Variants in TMEFF1 observed in about 807,000 individuals in gnomAD.
TMEFF1 encodes the protein tomoregulin-1.
Under a neutral mutation model 47.5 loss-of-function variants are expected in TMEFF1, and 20 were observed. The observed-to-expected ratio is 0.42, with a 90% CI of 0.30 to 0.61. The LOEUF (loss-of-function observed/expected upper bound fraction) is 0.61, where lower values mean the gene tolerates loss of function less well. TMEFF1 is among the 20% of genes least tolerant of loss of function. The pLI is 0.19. For missense variants in TMEFF1, 411 were observed against 471.1 expected (o/e 0.87, Z 1.18); for synonymous variants, 162 against 166.3 (o/e 0.97, Z 0.20).
intron 5 of TMEFF1, among the ~76,000 whole-genome samples, chr9:100,520,378 T>A (rs1838140881): frequency 6.6e-6 from 1 of 152,226 alleles, no homozygotes; most frequent in South Asian, 2.1e-4. Context: ...TTGAAATGTC[T>A]TTCCTGTCAG....
chr9:100,523,223 A>C (rs769579158), intron 5 of TMEFF1, among the ~76,000 whole-genome samples: 5 of 152,088 alleles, frequency 3.3e-5, no homozygotes, highest in Non-Finnish European at 5.9e-5. Flanking sequence ...TTATCAGCTT[A>C]TTTTAACTCC....
intron 1 of TMEFF1, among the ~76,000 whole-genome samples, chr9:100,479,945 C>T (rs1408276723): frequency 2.0e-5 from 3 of 152,166 alleles, no homozygotes; most frequent in East Asian, 3.8e-4. Flanking sequence ...AATTACCAAA[C>T]GGTTTTCCAA....
intron 1 of TMEFF1, among the ~76,000 whole-genome samples, chr9:100,494,105 G>A (rs550844128): frequency 6.6e-6 from 1 of 151,390 alleles, no homozygotes; most frequent in Non-Finnish European, 1.5e-5. Context: ...TATTTGGGAA[G>A]CTAAGGTGGG....
chr9:100,513,356 A>G (rs746544976), intron 4 of TMEFF1, 23 bp downstream of exon 4: 1 of 1,567,038 alleles, frequency 6.4e-7, no homozygotes, highest in South Asian at 1.2e-5. Flanking sequence ...TACCTCTTAA[A>G]GGATATTTGC....
At chr9:100,507,233 A>G (rs1021235783) in intron 2 of TMEFF1, among the ~76,000 whole-genome samples, 34 of 152,096 alleles carry the variant, frequency 2.2e-4, no homozygotes, top group Admixed American at 2.0e-3. Context: ...GTGTATATAT[A>G]CCACATGTTC....
intron 1 of TMEFF1, among the ~76,000 whole-genome samples, chr9:100,487,823 C>T (rs941155978): frequency 2.6e-5 from 4 of 151,150 alleles, no homozygotes; most frequent in African/African-American, 9.7e-5. Flanking sequence ...AGCACTTGGT[C>T]AAGATCATAT....
intron 1 of TMEFF1, among the ~76,000 whole-genome samples, chr9:100,477,852 C>T (rs959372953): frequency 1.3e-5 from 2 of 152,040 alleles, no homozygotes; most frequent in Non-Finnish European, 1.5e-5. Flanking sequence ...GTCTCGAACT[C>T]CTGAGCTCAG....
At chr9:100,534,443 T>G (rs1277432100) in intron 5 of TMEFF1, among the ~76,000 whole-genome samples, 1 of 152,204 alleles carries the variant, frequency 6.6e-6, no homozygotes, top group Non-Finnish European at 1.5e-5. Flanking sequence ...ATTCAGCATA[T>G]TTATTAAAGA....
chr9:100,501,866 A>G (rs1837768741), intron 2 of TMEFF1, among the ~76,000 whole-genome samples: 1 of 152,128 alleles, frequency 6.6e-6, no homozygotes, highest in South Asian at 2.1e-4. Flanking sequence ...GATGGTCTCG[A>G]ACTCTTGACC....
chr9:100,561,137 A>G (rs1839006039), intron 7 of TMEFF1, among the ~76,000 whole-genome samples: 1 of 152,236 alleles, frequency 6.6e-6, no homozygotes, highest in Non-Finnish European at 1.5e-5. Flanking sequence ...TTTAAACAAC[A>G]GTAACTCCTA....
chr9:100,492,857 AG>A (rs746362786), intron 1 of TMEFF1, among the ~76,000 whole-genome samples: 1 of 152,068 alleles, frequency 6.6e-6, no homozygotes, highest in Non-Finnish European at 1.5e-5. Context: ...CTGGAGGTTA[AG>A]GTACTATTAA....
chr9:100,557,702 C>A (rs539719430), intron 7 of TMEFF1, among the ~76,000 whole-genome samples: 2 of 152,260 alleles, frequency 1.3e-5, no homozygotes, highest in African/African-American at 4.8e-5. Context: ...TGTTATAAAA[C>A]CATCTTTTGC....
At chr9:100,509,868 C>A (rs1234007539) in intron 3 of TMEFF1, among the ~76,000 whole-genome samples, 21 of 151,672 alleles carry the variant, frequency 1.4e-4, no homozygotes, top group Non-Finnish European at 1.5e-5. Context: ...GCCACCTGTT[C>A]ATCCCATGCT....
intron 5 of TMEFF1, among the ~76,000 whole-genome samples, chr9:100,545,690 A>G (rs1404152302): frequency 6.6e-6 from 1 of 152,220 alleles, no homozygotes; most frequent in Non-Finnish European, 1.5e-5. Flanking sequence ...TTGTCAGGCT[A>G]CAAATTTTCC....
At position 100,474,078 on chromosome 9, in the gene TMEFF1, G is replaced by C. The variant is rs533708098; in HGVS notation, c.196+338G>C. On this transcript the variant is annotated intron_variant, in intron 1 of 9. Coordinates refer to ENST00000374879, the MANE Select transcript of TMEFF1 (RefSeq NM_003692.5). The stretch of plus-strand genomic sequence containing the variant: ...GTCGTGGGTGTGCTCGCGGGAGCGT[G>C]TGTTTGTGTTGTGAAGGCTGAGGGG... Among the ~76,000 whole-genome samples, 16 of 151,486 alleles carry C rather than the reference G, an allele frequency of 1.1e-4. No homozygotes were observed. The East Asian group carries it at 2.8e-3, about 26-fold the overall frequency.
At chr9:100,537,830 T>C (rs1838549516) in intron 5 of TMEFF1, among the ~76,000 whole-genome samples, 1 of 152,230 alleles carries the variant, frequency 6.6e-6, no homozygotes, top group African/African-American at 2.4e-5. Context: ...TGGCTAACTT[T>C]ATTTTCTTTG....
At chr9:100,547,575 C>T (rs977944555) in intron 5 of TMEFF1, among the ~76,000 whole-genome samples, 169 bp from the exon 6 acceptor site, 1 of 152,128 alleles carries the variant, frequency 6.6e-6, no homozygotes, top group African/African-American at 2.4e-5. Flanking sequence ...TAAATCCTCA[C>T]CTAAAATTTT....
intron 5 of TMEFF1, among the ~76,000 whole-genome samples, chr9:100,543,984 G>A (rs897560128): frequency 2.6e-5 from 4 of 151,472 alleles, no homozygotes; most frequent in Non-Finnish European, 5.9e-5. Flanking sequence ...AGGGGAGCTG[G>A]TTTTCTTTTT....
chr9:100,526,904 G>T (rs1289964733), intron 5 of TMEFF1, among the ~76,000 whole-genome samples: 1 of 126,270 alleles, frequency 7.9e-6, no homozygotes, highest in Admixed American at 9.6e-5. Flanking sequence ...GAGATCAGGA[G>T]TTCAAGACCA....
Sources: allele counts gnomAD v4.1 joint callset (sites outside exome capture counted in the v4.1 genomes callset), GRCh38; gene constraint gnomAD v4.1.1; transcripts MANE v1.5; gene names NCBI Gene and HGNC (gene_info 2026-07-23, HGNC 2026-07-21).